TET1: variants seen among roughly 807,000 people sequenced by gnomAD.
The protein encoded by TET1 is methylcytosine dioxygenase TET1.
Under a neutral mutation model 148.7 loss-of-function variants are expected in TET1, and 13 were observed. That is an observed-to-expected ratio of 0.09 (90% CI 0.06 to 0.14). The LOEUF (loss-of-function observed/expected upper bound fraction) is 0.14. TET1 is among the 10% of genes least tolerant of loss of function. TET1 has a pLI of 1.00. For synonymous variants in TET1, 907 were observed against 937.2 expected (o/e 0.97, Z 0.59); for missense variants, 2,182 against 2,553.8 (o/e 0.85, Z 3.14).
chr10:68,670,527 T>G (rs2055258973), intron 7 of TET1, among the ~76,000 whole-genome samples: 1 of 152,214 alleles, frequency 6.6e-6, no homozygotes, highest in Admixed American at 6.5e-5. Context: ...ACTATTGGTG[T>G]TGTTGACTAT....
In TET1 at chr10:68,653,256, C is replaced by A. The variant is rs748133847; in HGVS notation, c.4461+662C>A. ...CTTCTCCAGATGGCTACTCAGTTAT[C>A]CAACACCACTCATTTAATTGTACAT... is the stretch of plus-strand genomic sequence containing the variant. On this transcript the variant is annotated intron_variant, in intron 6 of 11. Coordinates refer to ENST00000373644, the MANE Select transcript of TET1 (RefSeq NM_030625.3). 3.3e-5 allele frequency among the ~76,000 whole-genome samples: 5 copies of A among 152,032 alleles called. No homozygotes were observed. The South Asian group carries it at 1.0e-3, about 32-fold the overall frequency.
intron 2 of TET1, among the ~76,000 whole-genome samples, chr10:68,599,991 T>A (rs1166215811): frequency 1.3e-5 from 2 of 152,188 alleles, no homozygotes; most frequent in Admixed American, 1.3e-4. Context: ...TTCGCCATTG[T>A]CATTGGACAT....
At chr10:68,598,126 C>T (rs771382150) in intron 2 of TET1, among the ~76,000 whole-genome samples, 2 of 152,218 alleles carry the variant, frequency 1.3e-5, no homozygotes. Flanking sequence ...CAGTGGCTCA[C>T]TCCTGTAATC....
rs866928874 is a variant in TET1 at position 68,632,688 on chromosome 10, C to T, written c.1969-12010C>T. On this transcript the variant is annotated intron_variant, in intron 3 of 11. Coordinates refer to ENST00000373644, the MANE Select transcript of TET1 (RefSeq NM_030625.3). ...AGATATTATATGAAGGTACCCACCT[C>T]GATCCTGAAAGAAAACACAACGGCG... 4.4e-5 allele frequency: 70 copies of T among 1,608,650 alleles called. No individual in the cohort carries two copies. In the Middle Eastern group the frequency reaches 8.3e-4, roughly 19 times the overall value.
At position 68,692,999 on chromosome 10, in the gene TET1, C is replaced by T. The variant is rs1222754187; in HGVS notation, c.*1185C>T. ...ACAAATTCCCTACTATCATCACATG[C>T]CTCCCCAACCCCAAGTCAAAAACAA... On this transcript the variant is annotated 3_prime_UTR_variant, in exon 12 of 12. Transcript: ENST00000373644. The T allele has an allele frequency of 4.3e-6, 1 of 230,332 alleles. No individual in the cohort carries two copies. Among genetic ancestry groups the T allele is most frequent in the African/African-American group, 2.2e-5 (1 of 44,756 alleles). 14.3% of individuals were successfully genotyped at this position (230,332 alleles called of 1,614,324 possible).
At chr10:68,566,573 T>A (rs1249157126) in intron 1 of TET1, among the ~76,000 whole-genome samples, 1 of 152,152 alleles carries the variant, frequency 6.6e-6, no homozygotes, top group African/African-American at 2.4e-5. Context: ...AGTGTTTGTA[T>A]TTAGTACAGA....
rs764120752 is a variant in TET1, at chr10:68,645,811, C to G, written c.3082C>G (p.Leu1028Val). 6 of 1,614,062 alleles carry G rather than the reference C, an allele frequency of 3.7e-6. No homozygotes were observed. The highest frequency in any genetic ancestry group is 5.1e-6 in the Non-Finnish European group (6 of 1,179,966). Residue 1028 changes from leucine to valine, a missense_variant, in exon 4 of 12, where the codon CTT (leucine) becomes GTT (valine). Leu to Val is a conservative substitution (Grantham distance 32). Transcript: ENST00000373644. ...NKSIAQGIITLDNCSNDLHQL... is the reference protein window; with the variant it reads ...NKSIAQGIITVDNCSNDLHQL... ...AAGTATTGCTCAAGGGATAATTACT[C>G]TTGACAATTGTTCCAATGATTTGCA...
intron 3 of TET1, among the ~76,000 whole-genome samples, chr10:68,607,294 T>A (rs1273455010): frequency 2.0e-5 from 3 of 152,220 alleles, no homozygotes; most frequent in Non-Finnish European, 4.4e-5. Context: ...ATACTGTTTC[T>A]GAGTTGTACT....
intron 8 of TET1, among the ~76,000 whole-genome samples, chr10:68,680,570 A>G (rs2055422796): frequency 6.6e-6 from 1 of 152,170 alleles, no homozygotes; most frequent in Non-Finnish European, 1.5e-5. Flanking sequence ...CTGGTCTCAA[A>G]TTTGTGAGCT....
intron 3 of TET1, among the ~76,000 whole-genome samples, chr10:68,602,828 A>G (rs568184521): frequency 1.3e-4 from 20 of 152,304 alleles, no homozygotes; most frequent in Admixed American, 1.0e-3. Flanking sequence ...AAAATTTCTG[A>G]TGTTGGCATT....
In TET1 at chr10:68,593,915, ATTTTTTTTT is replaced by A. The variant is rs3998851; in HGVS notation, c.1915-7046_1915-7038del. Among the ~76,000 whole-genome samples, 22 of 44,748 alleles carry A rather than the reference ATTTTTTTTT, an allele frequency of 4.9e-4. 1 individual carries two copies. Among genetic ancestry groups the A allele is most frequent in the East Asian group, 2.5e-3 (3 of 1,178 alleles). The allele number at this position is 44,748 out of a possible 152,430, so 29.4% of individuals were successfully genotyped here. On this transcript the variant is annotated intron_variant, in intron 2 of 11. Transcript: ENST00000373644. ...AGGCGTGAGCCACTGCGCCTGAGCT[ATTTTTTTTT>A]TTTTTTTTTTTTTTTTTTTGAGACA...
intron 11 of TET1, among the ~76,000 whole-genome samples, chr10:68,687,839 T>C (rs940459857): frequency 2.0e-5 from 3 of 152,220 alleles, no homozygotes; most frequent in African/African-American, 7.2e-5. Flanking sequence ...TTCTCCCAAA[T>C]TGGTGTAATT....
At chr10:68,664,796 G>T (rs2055174606) in intron 6 of TET1, among the ~76,000 whole-genome samples, 1 of 132,074 alleles carries the variant, frequency 7.6e-6, no homozygotes. Context: ...ATTTTTTGGC[G>T]GGGATGGAGT....
intron 10 of TET1, among the ~76,000 whole-genome samples, chr10:68,684,297 A>G (rs988846629): frequency 1.3e-5 from 2 of 151,716 alleles, no homozygotes; most frequent in Admixed American, 6.6e-5. Context: ...AAAGTATATG[A>G]TCAGATCTAT....
At chr10:68,684,989 T>G (rs892054380) in intron 10 of TET1, among the ~76,000 whole-genome samples, 4 of 152,136 alleles carry the variant, frequency 2.6e-5, no homozygotes, top group African/African-American at 9.7e-5. Context: ...GCACCATGGC[T>G]CATGCCTGTA....
intron 4 of TET1, among the ~76,000 whole-genome samples, chr10:68,648,074 TGTGCTAACATGAGTCATGTGCTAA>T (rs1373470827): frequency 2.0e-5 from 3 of 152,214 alleles, no homozygotes; most frequent in African/African-American, 7.2e-5. Context: ...GAATAACCAG[TGTGCTAACATGAGTCATGTGCTAA>T]TAGCTGACTC....
intron 3 of TET1, among the ~76,000 whole-genome samples, chr10:68,624,576 A>G (rs1165702915): frequency 3.3e-5 from 5 of 151,436 alleles, no homozygotes; most frequent in Non-Finnish European, 7.4e-5. Context: ...GGCGTGAGCC[A>G]CCGTGCCTGG....
rs933297797 is a variant in TET1, at chr10:68,597,480, G to A, written c.1915-3501G>A. 5.9e-5 allele frequency among the ~76,000 whole-genome samples: 9 copies of A among 152,162 alleles called. 1 individual carries two copies. The highest frequency in any genetic ancestry group is 2.1e-4 in the South Asian group (1 of 4,830). The stretch of plus-strand genomic sequence containing the variant: ...GGCATAATGTGTAACTGAAATGCAA[G>A]GCACTTCAAGAAATGTAGGACTACC... On this transcript the variant is annotated intron_variant, in intron 2 of 11. Coordinates refer to ENST00000373644, the MANE Select transcript of TET1 (RefSeq NM_030625.3).
At chr10:68,640,552 T>TTTTC (rs1589103311) in intron 3 of TET1, among the ~76,000 whole-genome samples, 3 of 95,872 alleles carry the variant, frequency 3.1e-5, no homozygotes, top group East Asian at 6.4e-4. Flanking sequence ...TTCTTTTTTT[T>TTTTC]TTTTTTTTTT....
Sources: gnomAD v4.1 joint callset for allele counts (sites outside exome capture counted in the v4.1 genomes callset) on GRCh38, gnomAD v4.1.1 for gene constraint, MANE v1.5 for transcripts, NCBI Gene and HGNC (gene_info 2026-07-23, HGNC 2026-07-21) for gene names.